NCOA1: variants seen among roughly 807,000 people sequenced by gnomAD.
NCOA1 encodes the protein nuclear receptor coactivator 1.
A neutral mutation model predicts 150.9 loss-of-function variants in NCOA1; 35 were observed. That is an observed-to-expected ratio of 0.23 (90% CI 0.18 to 0.31). The LOEUF is 0.31. Ranked by LOEUF, NCOA1 falls within the 10% of genes least tolerant of loss-of-function variation. The pLI is 1.00. For missense variants in NCOA1, 1,491 were observed against 1,749.3 expected (o/e 0.85, Z 2.63); for synonymous variants, 590 against 630.0 (o/e 0.94, Z 0.95).
intron 4 of NCOA1, among the ~76,000 whole-genome samples, chr2:24,649,804 A>G (rs1004937000): frequency 6.6e-6 from 1 of 152,196 alleles, no homozygotes; most frequent in Non-Finnish European, 1.5e-5. Context: ...ATGCAAAGAA[A>G]AAAAGCATTG....
chr2:24,768,516 C>CAAAAAA lies in NCOA1; in HGVS notation c.*145_*150dup, dbSNP rs772970404. ...ATTCTTCAGGTCGTAGCATTTGGAG[C>CAAAAAA]AAAAAAAAAAAAAAAAAAAAAAAAA... On this transcript the variant is annotated 3_prime_UTR_variant, in exon 23 of 23. Transcript: ENST00000348332. 6 of 55,224 alleles carry CAAAAAA rather than the reference C, an allele frequency of 1.1e-4. No individual in the cohort carries two copies. The highest frequency in any genetic ancestry group is 2.7e-4 in the East Asian group (1 of 3,646). 3.4% of individuals were successfully genotyped at this position (55,224 alleles called of 1,614,324 possible). A position where few individuals can be genotyped will look rare whatever the true frequency, so the allele number is the denominator to read the frequency against.
intron 3 of NCOA1, among the ~76,000 whole-genome samples, chr2:24,618,861 T>G (rs1190475792): frequency 6.6e-6 from 1 of 152,216 alleles, no homozygotes; most frequent in East Asian, 1.9e-4. Context: ...TTGAGGCATG[T>G]CATGCTAATA....
intron 4 of NCOA1, among the ~76,000 whole-genome samples, chr2:24,654,474 G>T (rs1428397228): frequency 1.3e-5 from 2 of 152,094 alleles, no homozygotes; most frequent in Admixed American, 6.5e-5. Flanking sequence ...GTGACAGTGG[G>T]ATATCCAAAT....
At chr2:24,767,978 A>G (rs1400826768) in intron 22 of NCOA1, 1 of 1,145,888 alleles carries the variant, frequency 8.7e-7, no homozygotes, top group African/African-American at 1.5e-5. Context: ...ATTGATGGCA[A>G]CCCTATAGGA....
chr2:24,753,343 A>C (rs1448381933), intron 20 of NCOA1, among the ~76,000 whole-genome samples: 1 of 150,276 alleles, frequency 6.7e-6, no homozygotes, highest in Admixed American at 6.6e-5. Context: ...TTATACCTCC[A>C]CCTAAGTATT....
intron 2 of NCOA1, among the ~76,000 whole-genome samples, chr2:24,569,552 A>ATTTTTTTTTTTTTTTTTTTTTTTTT (rs200639064): frequency 1.1e-5 from 1 of 93,794 alleles, no homozygotes; most frequent in African/African-American, 4.0e-5. Context: ...GGTTTTATTA[A>ATTTTTTTTTTTTTTTTTTTTTTTTT]TTTTTTTTTT....
chr2:24,586,136 C>T (rs972454095), intron 3 of NCOA1, among the ~76,000 whole-genome samples: 3 of 151,666 alleles, frequency 2.0e-5, no homozygotes, highest in East Asian at 1.9e-4. Flanking sequence ...ATTAGCTGGG[C>T]GTGGTGGCGG....
intron 1 of NCOA1, among the ~76,000 whole-genome samples, chr2:24,536,433 C>T (rs555580538): frequency 6.6e-6 from 1 of 152,240 alleles, no homozygotes; most frequent in Admixed American, 6.5e-5. Flanking sequence ...TTATTACTGA[C>T]TTTCTGAAGC....
rs567016489 is a variant in NCOA1 at position 24,509,515 on chromosome 2, C to T, written c.-396+17913C>T. Among the ~76,000 whole-genome samples, 91 of 152,338 alleles carry T rather than the reference C, an allele frequency of 6.0e-4. 1 individual carries two copies. The highest frequency in any genetic ancestry group is 2.0e-3 in the African/African-American group (84 of 41,582). On this transcript the variant is annotated intron_variant, in intron 1 of 22. Transcript: ENST00000348332. Reference sequence around the variant, plus strand: ...TGGATGGTGGAGGCTTTGCCTATAACTAAGTGACAGTGAAAAGTTTGGATG... The same window carrying T: ...TGGATGGTGGAGGCTTTGCCTATAATTAAGTGACAGTGAAAAGTTTGGATG...
rs770272724 is a variant in NCOA1 at position 24,706,794 on chromosome 2, G to A, written c.1324G>A (p.Gly442Arg). ...TTCTAGCAACAGCCAAGGAAGTTTC[G>A]GATGCTCACCCGGAAGTCAGATTGT... ...SNSSNSQGSF[G>R]CSPGSQIVAN... The change falls in exon 13 of 23, where the codon GGA becomes AGA. Residue 442 changes from glycine (G) to arginine (R), a missense_variant. Gly to Arg is a moderately radical substitution (Grantham distance 125). Coordinates refer to ENST00000348332, the MANE Select transcript of NCOA1 (RefSeq NM_003743.5). 27 of 1,614,000 alleles carry A rather than the reference G, an allele frequency of 1.7e-5. No homozygotes were observed. Among genetic ancestry groups the A allele is most frequent in the African/African-American group, 9.3e-5 (7 of 74,878 alleles).
chr2:24,495,483 C>A (rs986459185), intron 1 of NCOA1, among the ~76,000 whole-genome samples: 1 of 152,054 alleles, frequency 6.6e-6, no homozygotes, highest in Admixed American at 6.6e-5. Context: ...TACCACTCCC[C>A]GAGAGTATGT....
intron 3 of NCOA1, among the ~76,000 whole-genome samples, chr2:24,597,937 C>G (rs1211627296): frequency 6.6e-6 from 1 of 152,280 alleles, no homozygotes; most frequent in African/African-American, 2.4e-5. Flanking sequence ...TTTCCCCCCT[C>G]CCCACAACAG....
intron 1 of NCOA1, among the ~76,000 whole-genome samples, chr2:24,511,063 C>A (rs1025394097): frequency 6.6e-6 from 1 of 152,154 alleles, no homozygotes; most frequent in Non-Finnish European, 1.5e-5. Context: ...ATGGATTTGC[C>A]TATTTTGTAC....
chr2:24,534,581 G>A (rs1665044628), intron 1 of NCOA1, among the ~76,000 whole-genome samples: 1 of 151,934 alleles, frequency 6.6e-6, no homozygotes, highest in Admixed American at 6.6e-5. Context: ...TCTCTTGTGG[G>A]CATTTAGTGC....
intron 1 of NCOA1, among the ~76,000 whole-genome samples, chr2:24,500,226 AGATTC>A (rs1663402758): frequency 6.6e-6 from 1 of 152,096 alleles, no homozygotes; most frequent in Non-Finnish European, 1.5e-5. Flanking sequence ...CTCCTGCCTC[AGATTC>A]CCTAGTAGCT....
intron 3 of NCOA1, among the ~76,000 whole-genome samples, chr2:24,604,978 AC>A (rs1261873092): frequency 6.6e-6 from 1 of 152,012 alleles, no homozygotes; most frequent in Non-Finnish European, 1.5e-5. Flanking sequence ...TTATTAATTG[AC>A]CTAATTTTAG....
chr2:24,759,811 T>C (rs1664689984), intron 21 of NCOA1, among the ~76,000 whole-genome samples: 2 of 152,046 alleles, frequency 1.3e-5, no homozygotes. Context: ...GAGGTATATA[T>C]AATGTATAGA....
At chr2:24,513,593 T>A (rs1664027591) in intron 1 of NCOA1, among the ~76,000 whole-genome samples, 2 of 152,232 alleles carry the variant, frequency 1.3e-5, no homozygotes, top group South Asian at 4.1e-4. Flanking sequence ...AAAATGTGTG[T>A]GTGTGTGTGC....
chr2:24,575,513 A>G (rs1213631169), intron 2 of NCOA1, among the ~76,000 whole-genome samples: 1 of 151,218 alleles, frequency 6.6e-6, no homozygotes, highest in Admixed American at 6.6e-5. Flanking sequence ...ATTGTCAGAC[A>G]TTGTAAATTT....
Sources: gnomAD v4.1 joint callset for allele counts (sites outside exome capture counted in the v4.1 genomes callset) on GRCh38, gnomAD v4.1.1 for gene constraint, MANE v1.5 for transcripts, NCBI Gene and HGNC (gene_info 2026-07-23, HGNC 2026-07-21) for gene names.